Variants in TXNRD1 observed in about 807,000 individuals in gnomAD.
The protein encoded by TXNRD1 is thioredoxin reductase 1, cytoplasmic.
Under a neutral mutation model 80.3 loss-of-function variants are expected in TXNRD1, and 57 were observed. That is an observed-to-expected ratio of 0.71 (90% CI 0.57 to 0.89). TXNRD1 has a LOEUF of 0.89. TXNRD1 is among the 40% of genes least tolerant of loss of function. TXNRD1 has a pLI of 0.00. For synonymous variants in TXNRD1, 291 were observed against 285.2 expected (o/e 1.02, Z -0.20); for missense variants, 730 against 803.0 (o/e 0.91, Z 1.10).
intron 4 of TXNRD1, chr12:104,304,961 T>G (rs758290002): frequency 3.4e-5 from 52 of 1,538,102 alleles, no homozygotes; most frequent in Non-Finnish European, 4.4e-5. Flanking sequence ...AGCATCCTTT[T>G]TGTGTTTTTT....
intron 1 of TXNRD1, among the ~76,000 whole-genome samples, chr12:104,217,372 G>A (rs894779369): frequency 4.7e-5 from 7 of 147,948 alleles, no homozygotes; most frequent in East Asian, 2.0e-4. Flanking sequence ...GTGCAATGGC[G>A]CCATCTTGGC....
chr12:104,298,166 G>C (rs1167650805), intron 4 of TXNRD1, among the ~76,000 whole-genome samples: 1 of 152,086 alleles, frequency 6.6e-6, no homozygotes, highest in Non-Finnish European at 1.5e-5. Flanking sequence ...TTAGATACTA[G>C]ACTTAAGAAT....
intron 16 of TXNRD1, among the ~76,000 whole-genome samples, chr12:104,345,648 G>GAGTAGTAAGTTCAACTAATC (rs11269572): frequency 6.6e-6 from 1 of 151,864 alleles, no homozygotes; most frequent in Non-Finnish European, 1.5e-5. Flanking sequence ...ACATAGTTAT[G>GAGTAGTAAGTTCAACTAATC]AAGTTCACTT....
At chr12:104,249,261 T>C (rs2033059922) in intron 1 of TXNRD1, among the ~76,000 whole-genome samples, 3 of 152,192 alleles carry the variant, frequency 2.0e-5, no homozygotes. Context: ...CTCTGGAGTT[T>C]CTTTCATAAC....
Position 104,273,828 on chromosome 12 carries a change from A to G in TXNRD1, c.305-15103A>G, listed in dbSNP as rs540721882. Among the ~76,000 whole-genome samples, 3 of 152,084 alleles carry G rather than the reference A, an allele frequency of 2.0e-5. No homozygotes were observed. The East Asian group carries it at 5.9e-4, about 30-fold the overall frequency. On this transcript the variant is annotated intron_variant, in intron 3 of 16. Transcript: ENST00000525566. ...TGGCTTTCTCAAAAACAAAAACATG[A>G]ATCAAGAGGTCAGGAGATCCAGACC...
intron 14 of TXNRD1, among the ~76,000 whole-genome samples, chr12:104,331,931 C>T (rs969070733): frequency 2.0e-5 from 3 of 151,842 alleles, no homozygotes; most frequent in Non-Finnish European, 4.4e-5. Flanking sequence ...CTTATATAGC[C>T]GTAGTGTAGT....
intron 1 of TXNRD1, among the ~76,000 whole-genome samples, chr12:104,237,066 C>A (rs1027863668): frequency 3.3e-5 from 5 of 151,876 alleles, no homozygotes; most frequent in Non-Finnish European, 7.4e-5. Context: ...AGAAACAAAT[C>A]AAAAAAACCT....
intron 3 of TXNRD1, among the ~76,000 whole-genome samples, chr12:104,268,986 C>A (rs2033596030): frequency 6.8e-6 from 1 of 147,736 alleles, no homozygotes; most frequent in Non-Finnish European, 1.5e-5. Context: ...CTCACTGCAA[C>A]CTCTGCCTCT....
intron 4 of TXNRD1, among the ~76,000 whole-genome samples, chr12:104,306,155 C>T (rs1005242840): frequency 7.9e-5 from 12 of 152,268 alleles, no homozygotes; most frequent in African/African-American, 2.9e-4. Context: ...CCACCCGCCT[C>T]GGCCTCCGGA....
In TXNRD1 at chr12:104,326,391, C is replaced by T; in HGVS notation, c.1353C>T (p.Gly451=). 1 of 1,591,804 alleles carries T rather than the reference C, an allele frequency of 6.3e-7. No homozygotes were observed. The highest frequency in any genetic ancestry group is 1.2e-5 in the South Asian group (1 of 86,180). The change falls in exon 12 of 17, where the codon GGC becomes GGT. Residue 451 remains glycine (G), a synonymous_variant. Transcript: ENST00000525566. ...GAGATGCTTGCACAAGAAAAATTGG[C>T]TTAGAAACCGTAGGGGTGAAGATAA... ...IGRDACTRKI[G]LETVGVKINE...
chr12:104,346,032 T>C, intron 16 of TXNRD1: 1 of 1,278,382 alleles, frequency 7.8e-7, no homozygotes, highest in South Asian at 1.2e-5. Flanking sequence ...TTTTCATTTA[T>C]TTGAGATAGG....
intron 1 of TXNRD1, among the ~76,000 whole-genome samples, chr12:104,217,745 T>G (rs577547228): frequency 6.6e-6 from 1 of 152,294 alleles, no homozygotes; most frequent in East Asian, 1.9e-4. Context: ...CATTTGCCGT[T>G]TCCCCCAGCC....
At chr12:104,280,839 T>C (rs1256475245) in intron 3 of TXNRD1, 2 of 152,082 alleles carry the variant, frequency 1.3e-5, no homozygotes, top group African/African-American at 2.4e-5. Context: ...TTCAGACTTA[T>C]CAGCCCTCAC....
intron 3 of TXNRD1, among the ~76,000 whole-genome samples, chr12:104,278,235 C>G (rs1020540426): frequency 3.2e-5 from 4 of 124,544 alleles, no homozygotes; most frequent in African/African-American, 1.3e-4. Context: ...GAGTCTTGCT[C>G]TGTCGCCCAG....
At chr12:104,321,442 G>A in intron 10 of TXNRD1, 126 bp downstream of exon 10, 1 of 704,632 alleles carries the variant, frequency 1.4e-6, no homozygotes, top group Non-Finnish European at 2.4e-6. Flanking sequence ...TTCCCCTACT[G>A]TTGTATACTG....
intron 16 of TXNRD1, among the ~76,000 whole-genome samples, chr12:104,341,945 G>T (rs1031709004): frequency 1.3e-5 from 2 of 152,140 alleles, no homozygotes; most frequent in African/African-American, 4.8e-5. Context: ...TATTATAAAG[G>T]TTGCAACTCA....
intron 3 of TXNRD1, among the ~76,000 whole-genome samples, chr12:104,287,639 C>T (rs1040602822): frequency 1.3e-5 from 2 of 152,100 alleles, no homozygotes; most frequent in African/African-American, 4.8e-5. Context: ...GAAAGCAAGG[C>T]TCAGAAAGAT....
chr12:104,245,517 C>CAAAAAAAAAAAAAAAA (rs10622971), intron 1 of TXNRD1, among the ~76,000 whole-genome samples: 3 of 29,262 alleles, frequency 1.0e-4, no homozygotes, highest in Non-Finnish European at 1.3e-4. Context: ...AACTCCATCT[C>CAAAAAAAAAAAAAAAA]AAAAAAAAAA....
intron 3 of TXNRD1, among the ~76,000 whole-genome samples, chr12:104,266,751 C>A (rs376775792): frequency 6.6e-6 from 1 of 151,946 alleles, no homozygotes; most frequent in African/African-American, 2.4e-5. Context: ...ATCACGAGGT[C>A]AGGAGATCAA....
Sources: gnomAD v4.1 joint callset for allele counts (sites outside exome capture counted in the v4.1 genomes callset) on GRCh38, gnomAD v4.1.1 for gene constraint, MANE v1.5 for transcripts, NCBI Gene and HGNC (gene_info 2026-07-23, HGNC 2026-07-21) for gene names.